EDARADD: variants seen among roughly 807,000 people sequenced by gnomAD.
The protein encoded by EDARADD is EDAR associated via death domain, also known as ectodysplasin-A receptor-associated adapter protein.
EDARADD carries 20 observed loss-of-function variants against 25.6 expected under a neutral mutation model. The ratio of observed to expected loss-of-function variants is 0.78; its 90% CI spans 0.55 to 1.14. The LOEUF (loss-of-function observed/expected upper bound fraction) is 1.14. Among genes scored for constraint, EDARADD ranks in the 50% most tolerant of loss-of-function variants. The pLI is 0.00. For missense variants in EDARADD, 225 were observed against 270.1 expected (o/e 0.83, Z 1.17); for synonymous variants, 86 against 94.4 (o/e 0.91, Z 0.52).
Position 236,418,054 on chromosome 1 carries a change from C to T in EDARADD, c.160+3755C>T, listed in dbSNP as rs530951165. 6.0e-4 allele frequency among the ~76,000 whole-genome samples: 90 copies of T among 149,262 alleles called. 1 individual carries two copies. The highest frequency in any genetic ancestry group is 9.1e-4 in the African/African-American group (37 of 40,518). On this transcript the variant is annotated intron_variant, in intron 3 of 5. Coordinates refer to ENST00000334232, the MANE Select transcript of EDARADD (RefSeq NM_145861.4). Reference sequence around the variant, plus strand: ...CTGCAAGCTCTGCCTCCCAAGTTCACGCCATTCTCCTGCCTCAGCCTCCCG... The same window carrying T: ...CTGCAAGCTCTGCCTCCCAAGTTCATGCCATTCTCCTGCCTCAGCCTCCCG...
At chr1:236,368,772 C>T (rs907826871) in intron 3 of EDARADD, among the ~76,000 whole-genome samples, 6 of 152,140 alleles carry the variant, frequency 3.9e-5, no homozygotes, top group African/African-American at 1.4e-4. Context: ...ACTTTTACCT[C>T]TTGTTAGTCT....
At chr1:236,450,296 A>AAT (rs1658676338) in intron 4 of EDARADD, among the ~76,000 whole-genome samples, 1 of 151,434 alleles carries the variant, frequency 6.6e-6, no homozygotes, top group African/African-American at 2.4e-5. Flanking sequence ...TCTGTCTCTA[A>AAT]AATAATAATA....
chr1:236,469,896 G>A (rs1433349149), intron 5 of EDARADD, among the ~76,000 whole-genome samples: 1 of 151,794 alleles, frequency 6.6e-6, no homozygotes, highest in Admixed American at 6.6e-5. Flanking sequence ...TTTTAGTAGA[G>A]ACGGGGTTTC....
At chr1:236,451,142 A>G (rs1026089036) in intron 4 of EDARADD, among the ~76,000 whole-genome samples, 1 of 152,112 alleles carries the variant, frequency 6.6e-6, no homozygotes, top group Non-Finnish European at 1.5e-5. Context: ...TCAATACTGT[A>G]TGACTGGAAA....
chr1:236,448,409 C>T (rs1658623124), intron 4 of EDARADD, among the ~76,000 whole-genome samples: 1 of 152,174 alleles, frequency 6.6e-6, no homozygotes, highest in South Asian at 2.1e-4. Context: ...AATTGGGCAG[C>T]CTGGGAGGGT....
At chr1:236,454,386 T>C (rs535822611) in intron 4 of EDARADD, among the ~76,000 whole-genome samples, 7 of 152,266 alleles carry the variant, frequency 4.6e-5, no homozygotes, top group African/African-American at 1.4e-4. Context: ...CCCTTTGTCT[T>C]TGACCCCTCA....
At chr1:236,446,083 A>G (rs886596430) in intron 4 of EDARADD, among the ~76,000 whole-genome samples, 1 of 152,200 alleles carries the variant, frequency 6.6e-6, no homozygotes, top group African/African-American at 2.4e-5. Flanking sequence ...CTTTATATGA[A>G]AAATGCAAGC....
intron 3 of EDARADD, 106 bp from the exon 4 acceptor site, chr1:236,427,286 A>T: frequency 9.1e-7 from 1 of 1,095,744 alleles, no homozygotes. Flanking sequence ...CCAGATGCCA[A>T]GGCAGCATGT....
intron 1 of EDARADD, among the ~76,000 whole-genome samples, chr1:236,407,215 T>C (rs1667753197): frequency 6.6e-6 from 1 of 152,222 alleles, no homozygotes; most frequent in Admixed American, 6.5e-5. Context: ...GTTTCTGTGC[T>C]GGACACAGGG....
At chr1:236,465,714 G>A (rs1017126008) in intron 4 of EDARADD, among the ~76,000 whole-genome samples, 1 of 152,052 alleles carries the variant, frequency 6.6e-6, no homozygotes, top group Admixed American at 6.6e-5. Flanking sequence ...GCAATATGGG[G>A]GTTTTTACAT....
intron 4 of EDARADD, among the ~76,000 whole-genome samples, chr1:236,449,839 G>T (rs943548737): frequency 6.6e-6 from 1 of 152,272 alleles, no homozygotes; most frequent in East Asian, 1.9e-4. Flanking sequence ...GGTGGCTCAC[G>T]CCTGTAATCC....
chr1:236,448,703 A>G (rs992701275), intron 4 of EDARADD, among the ~76,000 whole-genome samples: 3 of 152,170 alleles, frequency 2.0e-5, no homozygotes, highest in African/African-American at 7.2e-5. Context: ...CCTGCTATGC[A>G]AATTTCTTAG....
At chr1:236,458,346 C>A (rs531863627) in intron 4 of EDARADD, among the ~76,000 whole-genome samples, 63 of 135,062 alleles carry the variant, frequency 4.7e-4, no homozygotes, top group African/African-American at 1.6e-3. Flanking sequence ...AAGAGAGAGT[C>A]CTGGCCTTAA....
intron 1 of EDARADD, among the ~76,000 whole-genome samples, chr1:236,403,477 C>T (rs1340266213): frequency 1.3e-5 from 2 of 151,078 alleles, no homozygotes; most frequent in South Asian, 2.1e-4. Flanking sequence ...TTAGTAGAGA[C>T]GGGGTTTCAC....
At chr1:236,443,099 C>T (rs935837596) in intron 4 of EDARADD, among the ~76,000 whole-genome samples, 21 of 152,162 alleles carry the variant, frequency 1.4e-4, no homozygotes, top group Non-Finnish European at 2.4e-4. Context: ...CCATGAGATA[C>T]CCTGCACTGC....
rs1176181866 is a variant in EDARADD, at chr1:236,429,218, GA to G, written c.219+1769del. 9.3e-4 allele frequency among the ~76,000 whole-genome samples: 113 copies of G among 121,280 alleles called. 1 individual carries two copies. The highest frequency in any genetic ancestry group is 3.5e-3 in the African/African-American group (110 of 31,598). The allele number at this position is 121,280 out of a possible 152,430, so 79.6% of individuals were successfully genotyped here. A position where few individuals can be genotyped will look rare whatever the true frequency, so the allele number is the denominator to read the frequency against. ...AGGGAGCGGGAGCGGGAGAGGGAGA[GA>G]TTTTTTTTTTTTTTTTTTTGAGGCA... On this transcript the variant is annotated intron_variant, in intron 4 of 5. Coordinates refer to ENST00000334232, the MANE Select transcript of EDARADD (RefSeq NM_145861.4).
In EDARADD at chr1:236,387,600, G is replaced by C. The variant is rs1389257355; in HGVS notation, c.-5-21616G>C. On this transcript the variant is annotated intron_variant, in intron 3 of 7. Coordinates refer to the EDARADD transcript ENST00000439430. ...AAGATTGAGAAATCGGATGGTTGCC[G>C]TGTCTGTGTAGAAAGAAGTAGACAT... Among the ~76,000 whole-genome samples, 5 of 13,536 alleles carry C rather than the reference G, an allele frequency of 3.7e-4. 1 individual carries two copies. The highest frequency in any genetic ancestry group is 2.3e-3 in the Admixed American group (2 of 858). 8.9% of individuals were successfully genotyped at this position (13,536 alleles called of 152,430 possible). A position where few individuals can be genotyped will look rare whatever the true frequency, so the allele number is the denominator to read the frequency against.
At chr1:236,434,525 C>T (rs1658190717) in intron 4 of EDARADD, among the ~76,000 whole-genome samples, 1 of 152,220 alleles carries the variant, frequency 6.6e-6, no homozygotes, top group African/African-American at 2.4e-5. Context: ...TAGGCGTGAG[C>T]CACTGTGCCT....
chr1:236,401,187 TA>T (rs368351602), intron 1 of EDARADD, among the ~76,000 whole-genome samples: 2,757 of 132,126 alleles, frequency 0.021, 68 homozygotes, highest in African/African-American at 0.066. Flanking sequence ...CTGTCTCAAA[TA>T]AAAAAAAAAA....
Sources: gnomAD v4.1 joint callset for allele counts (sites outside exome capture counted in the v4.1 genomes callset) on GRCh38, gnomAD v4.1.1 for gene constraint, MANE v1.5 for transcripts, NCBI Gene and HGNC (gene_info 2026-07-23, HGNC 2026-07-21) for gene names.